Variants in LUZP2 observed in about 807,000 individuals in gnomAD.
LUZP2 encodes the protein leucine zipper protein 2.
A neutral mutation model predicts 51.6 loss-of-function variants in LUZP2; 52 were observed. The ratio of observed to expected loss-of-function variants is 1.01; its 90% CI spans 0.81 to 1.27. The LOEUF is 1.27. LUZP2 is among the 50% of genes most tolerant of loss of function. The pLI is 0.00. For missense variants in LUZP2, 436 were observed against 395.4 expected, an observed-to-expected ratio of 1.10 and a Z score of -0.87; for synonymous variants, 154 against 137.3, an observed-to-expected ratio of 1.12 and a Z score of -0.85.
chr11:24,899,078 A>G (rs995655667), intron 5 of LUZP2, among the ~76,000 whole-genome samples: 1 of 152,190 alleles, frequency 6.6e-6, no homozygotes, highest in East Asian at 1.9e-4. Flanking sequence ...GTAATAAACT[A>G]TCAAATTTTC....
At chr11:24,784,581 C>G (rs1268067327) in intron 5 of LUZP2, among the ~76,000 whole-genome samples, 1 of 151,956 alleles carries the variant, frequency 6.6e-6, no homozygotes, top group Non-Finnish European at 1.5e-5. Flanking sequence ...AATTTCCAAT[C>G]TGTTTTTGTT....
intron 4 of LUZP2, among the ~76,000 whole-genome samples, chr11:24,739,750 G>C (rs1859066385): frequency 6.6e-6 from 1 of 152,084 alleles, no homozygotes; most frequent in Non-Finnish European, 1.5e-5. Flanking sequence ...ATCTGCAACA[G>C]CTGATTTCAG....
At chr11:24,863,326 G>A (rs1198072461) in intron 5 of LUZP2, among the ~76,000 whole-genome samples, 1 of 151,954 alleles carries the variant, frequency 6.6e-6, no homozygotes, top group Non-Finnish European at 1.5e-5. Context: ...TGATAAATAG[G>A]CAAGCAAAAT....
At chr11:25,000,236 G>T (rs956072010) in intron 9 of LUZP2, among the ~76,000 whole-genome samples, 7 of 152,118 alleles carry the variant, frequency 4.6e-5, no homozygotes, top group African/African-American at 1.2e-4. Context: ...AGACAGAAAA[G>T]TTCTCCAAGT....
intron 5 of LUZP2, among the ~76,000 whole-genome samples, chr11:24,837,316 G>GTAGT: frequency 6.6e-6 from 1 of 151,648 alleles, no homozygotes; most frequent in African/African-American, 2.4e-5. Context: ...TGGACAAGAG[G>GTAGT]TAGTTACTCA....
At chr11:24,655,620 TTAA>T (rs1855775950) in intron 1 of LUZP2, among the ~76,000 whole-genome samples, 1 of 152,200 alleles carries the variant, frequency 6.6e-6, no homozygotes, top group African/African-American at 2.4e-5. Context: ...GCAGAGTAGA[TTAA>T]TACCTTGCTG....
At chr11:24,785,190 G>T (rs986285916) in intron 5 of LUZP2, among the ~76,000 whole-genome samples, 1 of 151,946 alleles carries the variant, frequency 6.6e-6, no homozygotes, top group Non-Finnish European at 1.5e-5. Flanking sequence ...ATCACATTTA[G>T]TACACATATC....
intron 1 of LUZP2, among the ~76,000 whole-genome samples, chr11:24,539,058 A>G (rs1283560743): frequency 6.6e-6 from 1 of 151,874 alleles, no homozygotes; most frequent in African/African-American, 2.4e-5. Flanking sequence ...TTACCTCAGT[A>G]TAATATTGGT....
At chr11:24,627,638 G>C (rs576074239) in intron 1 of LUZP2, among the ~76,000 whole-genome samples, 10 of 152,166 alleles carry the variant, frequency 6.6e-5, no homozygotes, top group Non-Finnish European at 1.0e-4. Flanking sequence ...CCAGTGTTCT[G>C]TTTGCAAAAC....
intron 5 of LUZP2, among the ~76,000 whole-genome samples, chr11:24,838,571 T>C (rs1041180052): frequency 6.6e-6 from 1 of 151,714 alleles, no homozygotes; most frequent in African/African-American, 2.4e-5. Context: ...ATTTGACTAT[T>C]GCCCTTAGGG....
intron 5 of LUZP2, among the ~76,000 whole-genome samples, chr11:24,795,978 T>C (rs1318746077): frequency 6.6e-6 from 1 of 152,090 alleles, no homozygotes; most frequent in Non-Finnish European, 1.5e-5. Flanking sequence ...AGGTGATCCG[T>C]TCCCTTCCAC....
intron 1 of LUZP2, among the ~76,000 whole-genome samples, chr11:24,621,266 A>G (rs1026038841): frequency 1.3e-5 from 2 of 152,226 alleles, no homozygotes; most frequent in Admixed American, 6.5e-5. Context: ...AGAAGACAAA[A>G]GGTTTGAGAT....
intron 5 of LUZP2, among the ~76,000 whole-genome samples, chr11:24,859,459 G>T (rs1851668198): frequency 6.6e-6 from 1 of 152,128 alleles, no homozygotes; most frequent in South Asian, 2.1e-4. Context: ...TAAAAATGGA[G>T]TAAATATTTG....
rs977387586 is a variant in LUZP2 at position 24,960,857 on chromosome 11, C to A, written c.523-15734C>A. Among the ~76,000 whole-genome samples the A allele has an allele frequency of 1.1e-4, 16 of 152,076 alleles. 1 individual carries two copies. Among genetic ancestry groups the A allele is most frequent in the Admixed American group, 9.8e-4 (15 of 15,270 alleles). ...TGATGTTAGGGTGTCAGTTTTGGAT[C>A]TTTCCTGCTTTCTCTTGTGGGCATT... On this transcript the variant is annotated intron_variant, in intron 7 of 11. Transcript: ENST00000336930.
intron 1 of LUZP2, among the ~76,000 whole-genome samples, chr11:24,671,063 T>G (rs1279667325): frequency 6.6e-6 from 1 of 151,916 alleles, no homozygotes; most frequent in Non-Finnish European, 1.5e-5. Flanking sequence ...TTTTGAATTA[T>G]TTTCAAAAAT....
rs1247452810 is a variant in LUZP2 at position 25,081,095 on chromosome 11, G to A, written c.*2437G>A. Reference sequence around the variant, plus strand: ...GTTGCCCAGGCTGGAGTGCAATGGAGCGATCTTGGCTCACTGCAACTCTGC... The same window carrying A: ...GTTGCCCAGGCTGGAGTGCAATGGAACGATCTTGGCTCACTGCAACTCTGC... On this transcript the variant is annotated 3_prime_UTR_variant, in exon 12 of 12. Transcript: ENST00000336930. 2 of 140,408 alleles carry A rather than the reference G, an allele frequency of 1.4e-5. No individual in the cohort carries two copies. Among genetic ancestry groups the A allele is most frequent in the Non-Finnish European group, 3.0e-5 (2 of 66,078 alleles). 8.7% of individuals were successfully genotyped at this position (140,408 alleles called of 1,614,324 possible).
chr11:24,769,207 A>C (rs895853358), intron 5 of LUZP2, among the ~76,000 whole-genome samples: 1 of 152,174 alleles, frequency 6.6e-6, no homozygotes, highest in African/African-American at 2.4e-5. Flanking sequence ...AAGTAGAGAG[A>C]ATAGTGGTTA....
At chr11:24,872,918 A>C (rs1362201948) in intron 5 of LUZP2, among the ~76,000 whole-genome samples, 1 of 152,122 alleles carries the variant, frequency 6.6e-6, no homozygotes, top group Non-Finnish European at 1.5e-5. Flanking sequence ...TAGAACATAC[A>C]TCTTGTGAAT....
At chr11:25,035,993 G>A (rs1169004228) in intron 9 of LUZP2, among the ~76,000 whole-genome samples, 1 of 151,984 alleles carries the variant, frequency 6.6e-6, no homozygotes, top group Non-Finnish European at 1.5e-5. Context: ...GATGAATTAG[G>A]ATGGAGGCCC....
Sources: gnomAD v4.1 joint callset for allele counts (sites outside exome capture counted in the v4.1 genomes callset) on GRCh38, gnomAD v4.1.1 for gene constraint, MANE v1.5 for transcripts, NCBI Gene and HGNC (gene_info 2026-07-23, HGNC 2026-07-21) for gene names.